The following TRIM5 variants were observed in gnomAD, a reference collection of about 807,000 sequenced individuals.
TRIM5 encodes the protein tripartite motif containing 5, also known as tripartite motif-containing protein 5.
In TRIM5, 31 loss-of-function variants were observed where a neutral mutation model predicts 35.6. The observed-to-expected ratio is 0.87, with a 90% confidence interval of 0.65 to 1.18. The LOEUF (loss-of-function observed/expected upper bound fraction) is 1.18. Among genes scored for constraint, TRIM5 ranks in the 50% most tolerant of loss-of-function variants. The pLI, the probability that TRIM5 is intolerant of heterozygous loss-of-function variation, is 0.00. For synonymous variants in TRIM5, 243 were observed against 215.6 expected (o/e 1.13, Z -1.11); for missense variants, 609 against 591.6 (o/e 1.03, Z -0.31).
At chr11:5,670,776 A>C (rs1268777750) in intron 4 of TRIM5, among the ~76,000 whole-genome samples, 1 of 130,840 alleles carries the variant, frequency 7.6e-6, no homozygotes, top group Non-Finnish European at 1.5e-5. Flanking sequence ...CCAAAGATAC[A>C]TGGACACACA....
chr11:5,641,415 G>A, the TRIM5 span: 2 of 1,161,632 alleles, frequency 1.7e-6, no homozygotes, highest in Non-Finnish European at 2.3e-6. Context: ...CAGAGCTACA[G>A]CCAAAAAGGA....
chr11:5,633,819 G>A, the TRIM5 span: 1 of 1,613,834 alleles, frequency 6.2e-7, no homozygotes, highest in Non-Finnish European at 8.5e-7. Context: ...ACTCCAGGCA[G>A]TCCTCAAGAG....
chr11:5,601,774 T>A, the TRIM5 span, among the ~76,000 whole-genome samples: 1 of 151,952 alleles, frequency 6.6e-6, no homozygotes, highest in Non-Finnish European at 1.5e-5. Context: ...AACAAAAAAA[T>A]TACCACCCCT....
the TRIM5 span, among the ~76,000 whole-genome samples, chr11:5,598,965 A>C: frequency 1.3e-5 from 2 of 152,004 alleles, no homozygotes; most frequent in African/African-American, 2.4e-5. Flanking sequence ...TGCAGTTCAA[A>C]CTTTTCTCCC....
chr11:5,598,518 C>G, the TRIM5 span, among the ~76,000 whole-genome samples: 1 of 152,030 alleles, frequency 6.6e-6, no homozygotes, highest in Non-Finnish European at 1.5e-5. Context: ...TAAAAATAAG[C>G]GGGTGAAATT....
chr11:5,604,504 T>A, the TRIM5 span: 2 of 1,597,560 alleles, frequency 1.3e-6, no homozygotes, highest in Non-Finnish European at 1.7e-6. Flanking sequence ...GAAGGCTTGA[T>A]CCTGCTTGAC....
At chr11:5,634,937 G>A in the TRIM5 span, 2 of 1,495,360 alleles carry the variant, frequency 1.3e-6, no homozygotes, top group South Asian at 2.6e-5. Flanking sequence ...TCCTGGTGGT[G>A]ACACTAAGGG....
chr11:5,632,056 T>C, the TRIM5 span, among the ~76,000 whole-genome samples: 3 of 152,298 alleles, frequency 2.0e-5, no homozygotes, highest in Admixed American at 6.5e-5. Context: ...AGGATGGTAA[T>C]TCTAGGCTGA....
At chr11:5,667,864 A>G (rs977793802) in intron 4 of TRIM5, among the ~76,000 whole-genome samples, 153 bp from the exon 5 acceptor site, 4 of 152,238 alleles carry the variant, frequency 2.6e-5, no homozygotes, top group African/African-American at 7.2e-5. Context: ...CAAGGCAATC[A>G]TCCCAGAAGA....
chr11:5,657,283 G>A, the TRIM5 span, among the ~76,000 whole-genome samples: 23 of 151,780 alleles, frequency 1.5e-4, 1 homozygote, highest in East Asian at 4.1e-3. Context: ...GACACAGGGA[G>A]GGGAACATCA....
chr11:5,655,722 G>C, the TRIM5 span: 1 of 983,792 alleles, frequency 1.0e-6, no homozygotes, highest in African/African-American at 1.7e-5. Flanking sequence ...GAATAAGATA[G>C]ATAACCGGGC....
chr11:5,630,683 A>C, the TRIM5 span, among the ~76,000 whole-genome samples: 1 of 152,160 alleles, frequency 6.6e-6, no homozygotes, highest in East Asian at 1.9e-4. Context: ...TATCCAAGCA[A>C]GATATCTTGG....
chr11:5,657,584 TAATGC>T, the TRIM5 span, among the ~76,000 whole-genome samples: 1 of 101,208 alleles, frequency 9.9e-6, no homozygotes, highest in African/African-American at 4.2e-5. Context: ...ATATTATATA[TAATGC>T]ATTATATATA....
chr11:5,614,617 CT>C, the TRIM5 span, among the ~76,000 whole-genome samples: 2 of 152,134 alleles, frequency 1.3e-5, no homozygotes, highest in African/African-American at 4.8e-5. Context: ...TTTTCTGGAA[CT>C]ATGTTAATTC....
the TRIM5 span, among the ~76,000 whole-genome samples, chr11:5,615,324 A>C: frequency 1.3e-5 from 2 of 152,122 alleles, no homozygotes; most frequent in Non-Finnish European, 2.9e-5. Flanking sequence ...CTGCTTTTCT[A>C]TGAGAGAGGG....
chr11:5,628,916 C>T, the TRIM5 span, among the ~76,000 whole-genome samples: 21 of 152,066 alleles, frequency 1.4e-4, no homozygotes, highest in African/African-American at 5.1e-4. Flanking sequence ...TGTGCTATTC[C>T]CATCTCTGCC....
the TRIM5 span, among the ~76,000 whole-genome samples, chr11:5,648,125 C>T: frequency 6.6e-6 from 1 of 152,180 alleles, no homozygotes; most frequent in African/African-American, 2.4e-5. Flanking sequence ...TCTCACAACA[C>T]AAAAGGACAA....
chr11:5,603,651 G>A, the TRIM5 span: 2 of 1,613,458 alleles, frequency 1.2e-6, no homozygotes, highest in Non-Finnish European at 1.7e-6. Flanking sequence ...AGGATGGGAA[G>A]GTCATTTGCT....
At chr11:5,613,319 G>A in the TRIM5 span, among the ~76,000 whole-genome samples, 2 of 152,226 alleles carry the variant, frequency 1.3e-5, no homozygotes, top group Non-Finnish European at 2.9e-5. Context: ...AGTCTGTTGG[G>A]CACTTGAAGC....
Sources: allele counts gnomAD v4.1 joint callset (sites outside exome capture counted in the v4.1 genomes callset), GRCh38; gene constraint gnomAD v4.1.1; transcripts MANE v1.5; gene names NCBI Gene and HGNC (gene_info 2026-07-23, HGNC 2026-07-21).